The following HCN1 variants were observed in gnomAD, a reference collection of about 807,000 sequenced individuals.
HCN1 encodes hyperpolarization activated cyclic nucleotide gated potassium channel 1, also known as potassium/sodium hyperpolarization-activated cyclic nucleotide-gated channel 1.
A neutral mutation model predicts 78.9 loss-of-function variants in HCN1; 13 were observed. The observed-to-expected ratio is 0.16, with a 90% CI of 0.11 to 0.26. The LOEUF is 0.26. HCN1 is among the 10% of genes least tolerant of loss of function. HCN1 has a pLI of 1.00. For synonymous variants in HCN1, 552 were observed against 455.5 expected (o/e 1.21, Z -2.70); for missense variants, 810 against 1,154.3 (o/e 0.70, Z 4.32).
intron 1 of HCN1, among the ~76,000 whole-genome samples, chr5:45,671,233 C>T (rs1392936612): frequency 6.6e-6 from 1 of 151,380 alleles, no homozygotes; most frequent in Non-Finnish European, 1.5e-5. Context: ...TTACCCAAAT[C>T]CCACCTGTCA....
At chr5:45,456,248 G>GA (rs1415631455) in intron 3 of HCN1, among the ~76,000 whole-genome samples, 2 of 151,656 alleles carry the variant, frequency 1.3e-5, no homozygotes, top group Non-Finnish European at 2.9e-5. Flanking sequence ...ACTTATCTTT[G>GA]AAAAAAATAA....
chr5:45,310,843 A>T (rs939934591), intron 5 of HCN1, among the ~76,000 whole-genome samples: 1 of 152,190 alleles, frequency 6.6e-6, no homozygotes, highest in Admixed American at 6.5e-5. Context: ...ATAAAAAAGA[A>T]TGAGATCATG....
chr5:45,396,437 T>C lies in HCN1; in HGVS notation c.1230+55A>G, dbSNP rs1339071489. ...TGTAGTTATCTTGAACACAATTCAA[T>C]TTACTGGTTCAGGTTAGCTGGTTAA... On this transcript the variant is annotated intron_variant, in intron 4 of 7. Coordinates refer to ENST00000303230, the MANE Select transcript of HCN1 (RefSeq NM_021072.4). 2.2e-6 allele frequency: 3 copies of C among 1,370,556 alleles called. No individual in the cohort carries two copies. In the African/African-American group the frequency reaches 4.3e-5, roughly 20 times the overall value. 84.9% of individuals were successfully genotyped at this position (1,370,556 alleles called of 1,614,324 possible).
At chr5:45,373,218 T>C (rs1561129226) in intron 4 of HCN1, among the ~76,000 whole-genome samples, 4 of 122,286 alleles carry the variant, frequency 3.3e-5, no homozygotes, top group Non-Finnish European at 6.3e-5. Flanking sequence ...ATATGTTATA[T>C]ATAATATATA....
chr5:45,653,861 T>C (rs1409098517), intron 1 of HCN1, among the ~76,000 whole-genome samples: 2 of 152,138 alleles, frequency 1.3e-5, no homozygotes, highest in East Asian at 3.9e-4. Context: ...ATGTCACATG[T>C]ATACATATGT....
At chr5:45,340,883 C>T (rs992124333) in intron 5 of HCN1, among the ~76,000 whole-genome samples, 1 of 152,130 alleles carries the variant, frequency 6.6e-6, no homozygotes, top group Non-Finnish European at 1.5e-5. Flanking sequence ...GAGCAAACAT[C>T]CAATTCATGC....
At chr5:45,459,685 G>T (rs1306980188) in intron 3 of HCN1, among the ~76,000 whole-genome samples, 2 of 151,926 alleles carry the variant, frequency 1.3e-5, no homozygotes, top group Non-Finnish European at 2.9e-5. Flanking sequence ...TCCCAAAATA[G>T]TTATTTTACT....
chr5:45,562,482 G>A (rs1743624633), intron 2 of HCN1, among the ~76,000 whole-genome samples: 1 of 151,782 alleles, frequency 6.6e-6, no homozygotes, highest in Non-Finnish European at 1.5e-5. Flanking sequence ...GACCAGCTTG[G>A]CCAACACAGT....
intron 1 of HCN1, among the ~76,000 whole-genome samples, chr5:45,659,263 C>G (rs1395209471): frequency 1.5e-5 from 2 of 132,324 alleles, no homozygotes; most frequent in East Asian, 4.8e-4. Flanking sequence ...AGAAGGAAAA[C>G]TAACAACCAG....
chr5:45,348,216 G>A (rs987638937), intron 5 of HCN1, among the ~76,000 whole-genome samples: 1 of 152,066 alleles, frequency 6.6e-6, no homozygotes, highest in Non-Finnish European at 1.5e-5. Context: ...AGTATTCAAA[G>A]TTCTTAAAGA....
chr5:45,537,743 C>T (rs1268266832), intron 2 of HCN1, among the ~76,000 whole-genome samples: 2 of 151,636 alleles, frequency 1.3e-5, no homozygotes, highest in African/African-American at 2.4e-5. Flanking sequence ...TGTTACCTTC[C>T]TATCTTCTTC....
chr5:45,397,451 T>TA (rs1331797842), intron 3 of HCN1, among the ~76,000 whole-genome samples: 1 of 151,846 alleles, frequency 6.6e-6, no homozygotes, highest in Non-Finnish European at 1.5e-5. Context: ...TGATGTCATT[T>TA]AAAAAAAATT....
intron 2 of HCN1, among the ~76,000 whole-genome samples, chr5:45,494,995 T>G (rs1365678948): frequency 1.4e-5 from 2 of 145,164 alleles, no homozygotes; most frequent in East Asian, 2.0e-4. Flanking sequence ...CTGTTTTGGT[T>G]ACTGTAGCCT....
chr5:45,576,248 G>A (rs1380071361), intron 2 of HCN1: 1 of 152,090 alleles, frequency 6.6e-6, no homozygotes, highest in African/African-American at 2.4e-5. Context: ...GATAAGTGAA[G>A]TGGTTTCTTG....
intron 5 of HCN1, among the ~76,000 whole-genome samples, chr5:45,322,830 G>A (rs770100535): frequency 9.2e-5 from 14 of 151,716 alleles, no homozygotes; most frequent in African/African-American, 1.7e-4. Flanking sequence ...TAAACCAAAT[G>A]AGTCTCAAAA....
At chr5:45,343,651 C>T (rs947884758) in intron 5 of HCN1, among the ~76,000 whole-genome samples, 2 of 152,104 alleles carry the variant, frequency 1.3e-5, no homozygotes, top group African/African-American at 2.4e-5. Flanking sequence ...AGAAAAATGA[C>T]TTCATTATAT....
intron 6 of HCN1, among the ~76,000 whole-genome samples, chr5:45,287,707 GAC>G (rs1236522975): frequency 6.6e-6 from 1 of 151,800 alleles, no homozygotes; most frequent in Non-Finnish European, 1.5e-5. Flanking sequence ...CCCACCATCA[GAC>G]ACACACACAC....
chr5:45,269,318 T>C (rs575085901), intron 6 of HCN1, among the ~76,000 whole-genome samples: 21 of 152,356 alleles, frequency 1.4e-4, no homozygotes, highest in South Asian at 8.3e-4. Context: ...ATTAAAGCTA[T>C]ACAAAGTGAA....
At chr5:45,476,292 C>A (rs1741513358) in intron 2 of HCN1, among the ~76,000 whole-genome samples, 1 of 152,098 alleles carries the variant, frequency 6.6e-6, no homozygotes, top group Non-Finnish European at 1.5e-5. Flanking sequence ...GACTTTCCAG[C>A]CTCCAGAACT....
Sources: allele counts gnomAD v4.1 joint callset (sites outside exome capture counted in the v4.1 genomes callset), GRCh38; gene constraint gnomAD v4.1.1; transcripts MANE v1.5; gene names NCBI Gene and HGNC (gene_info 2026-07-23, HGNC 2026-07-21).